Variants in PARD3B observed in about 807,000 individuals in gnomAD.
PARD3B encodes the protein par-3 family cell polarity regulator beta, also known as partitioning defective 3 homolog B.
In PARD3B, 103 loss-of-function variants were observed where a neutral mutation model predicts 130.2. The observed-to-expected ratio is 0.79, with a 90% CI of 0.67 to 0.93. The LOEUF (loss-of-function observed/expected upper bound fraction) is 0.93. PARD3B is among the 40% of genes least tolerant of loss of function. The pLI is 0.00. For missense variants in PARD3B, 1,609 were observed against 1,499.2 expected (o/e 1.07, Z -1.21); for synonymous variants, 583 against 553.2 (o/e 1.05, Z -0.76).
intron 19 of PARD3B, among the ~76,000 whole-genome samples, chr2:205,419,637 C>T (rs1574973963): frequency 6.6e-6 from 1 of 152,282 alleles, no homozygotes; most frequent in Middle Eastern, 3.4e-3. Flanking sequence ...CTTTAAACTT[C>T]TCAAGTTAGT....
intron 2 of PARD3B, among the ~76,000 whole-genome samples, chr2:204,795,830 A>G (rs933384850): frequency 2.0e-5 from 3 of 152,200 alleles, no homozygotes; most frequent in African/African-American, 4.8e-5. Flanking sequence ...TTTTTAGTTT[A>G]CTAACAGGAA....
At chr2:205,250,229 TTC>T (rs1192303351) in intron 16 of PARD3B, among the ~76,000 whole-genome samples, 11 of 141,940 alleles carry the variant, frequency 7.7e-5, no homozygotes, top group Non-Finnish European at 1.6e-4. Context: ...TTTTAGTGTC[TTC>T]TTTTTTTTTT....
chr2:205,482,430 G>A (rs2049273494), intron 20 of PARD3B, among the ~76,000 whole-genome samples: 1 of 152,110 alleles, frequency 6.6e-6, no homozygotes, highest in Non-Finnish European at 1.5e-5. Context: ...ATGGCAAAAG[G>A]AGACGGCAGA....
chr2:205,252,848 C>T lies in PARD3B; in HGVS notation c.2185+7026C>T, dbSNP rs1342690521. Among the ~76,000 whole-genome samples the T allele has an allele frequency of 8.6e-5, 10 of 115,710 alleles. 2 individuals carry two copies. The South Asian group carries it at 2.3e-3, about 27-fold the overall frequency. The allele number at this position is 115,710 out of a possible 152,430, so 75.9% of individuals were successfully genotyped here. A position where few individuals can be genotyped will look rare whatever the true frequency, so the allele number is the denominator to read the frequency against. Reference sequence around the variant, plus strand: ...TAGGAACCTGAAGGGACCCCCCCCCCCCACCAAAAAAAAAAAAAAAGGAGA... The same window carrying T: ...TAGGAACCTGAAGGGACCCCCCCCCTCCACCAAAAAAAAAAAAAAAGGAGA... On this transcript the variant is annotated intron_variant, in intron 16 of 22. Transcript: ENST00000406610.
chr2:205,037,718 A>G (rs1698108211), intron 3 of PARD3B, among the ~76,000 whole-genome samples: 1 of 151,380 alleles, frequency 6.6e-6, no homozygotes, highest in African/African-American at 2.4e-5. Context: ...GTTTCCCCTT[A>G]ACTGGAATTC....
chr2:205,225,588 A>C (rs2038500791), intron 15 of PARD3B, among the ~76,000 whole-genome samples: 1 of 152,226 alleles, frequency 6.6e-6, no homozygotes, highest in Non-Finnish European at 1.5e-5. Context: ...TATGAAGAAA[A>C]GAAGTTTAAT....
chr2:205,216,310 T>A (rs2037907250), intron 15 of PARD3B, among the ~76,000 whole-genome samples: 1 of 152,148 alleles, frequency 6.6e-6, no homozygotes, highest in African/African-American at 2.4e-5. Context: ...CACACAATGA[T>A]GAAACTGCCT....
intron 16 of PARD3B, among the ~76,000 whole-genome samples, chr2:205,286,433 A>C (rs1322321702): frequency 1.3e-5 from 2 of 152,166 alleles, no homozygotes; most frequent in Non-Finnish European, 2.9e-5. Flanking sequence ...AGCCCAGATG[A>C]GATTAAATAA....
chr2:204,898,706 C>G (rs758275274), intron 2 of PARD3B, among the ~76,000 whole-genome samples: 2 of 152,168 alleles, frequency 1.3e-5, no homozygotes, highest in Non-Finnish European at 2.9e-5. Flanking sequence ...CTGTCTCAAG[C>G]TGAAAGTGGG....
intron 18 of PARD3B, among the ~76,000 whole-genome samples, chr2:205,368,506 C>T (rs549549522): frequency 6.6e-6 from 1 of 152,136 alleles, no homozygotes; most frequent in African/African-American, 2.4e-5. Context: ...ATGGTGCACA[C>T]CTGTAATCCC....
At chr2:205,313,562 T>C (rs2042462826) in intron 18 of PARD3B, among the ~76,000 whole-genome samples, 1 of 152,196 alleles carries the variant, frequency 6.6e-6, no homozygotes, top group African/African-American at 2.4e-5. Context: ...GGTAAAATGA[T>C]TTTGTCATAC....
chr2:204,810,726 A>T (rs1025808825), intron 2 of PARD3B, among the ~76,000 whole-genome samples: 3 of 151,662 alleles, frequency 2.0e-5, no homozygotes, highest in African/African-American at 7.3e-5. Context: ...TTTGCTGAGG[A>T]TTTTTACATC....
At chr2:204,789,621 C>T (rs1248422248) in intron 2 of PARD3B, among the ~76,000 whole-genome samples, 1 of 152,096 alleles carries the variant, frequency 6.6e-6, no homozygotes, top group African/African-American at 2.4e-5. Flanking sequence ...AGCCATCAGC[C>T]TGAATTCTGC....
intron 18 of PARD3B, among the ~76,000 whole-genome samples, chr2:205,317,901 A>G (rs965178761): frequency 6.6e-6 from 1 of 152,168 alleles, no homozygotes; most frequent in African/African-American, 2.4e-5. Context: ...TTGGTATTAG[A>G]AAAAGCCACA....
intron 4 of PARD3B, among the ~76,000 whole-genome samples, chr2:205,085,621 A>T (rs760024524): frequency 4.5e-4 from 69 of 151,914 alleles, no homozygotes; most frequent in Non-Finnish European, 8.7e-4. Context: ...CTTTTCCTTG[A>T]CATTTATGTA....
At chr2:205,161,247 C>A (rs1025768505) in intron 11 of PARD3B, among the ~76,000 whole-genome samples, 3 of 152,204 alleles carry the variant, frequency 2.0e-5, no homozygotes, top group East Asian at 3.9e-4. Context: ...ATCTCCTTAC[C>A]TAAGCAGTTT....
At chr2:205,362,332 C>G (rs2044420575) in intron 18 of PARD3B, among the ~76,000 whole-genome samples, 1 of 152,072 alleles carries the variant, frequency 6.6e-6, no homozygotes, top group African/African-American at 2.4e-5. Context: ...TTCTGTTGTT[C>G]AATCATAGCT....
chr2:204,674,217 G>A lies in PARD3B; in HGVS notation c.121-11964G>A, dbSNP rs538684380. 2.0e-5 allele frequency among the ~76,000 whole-genome samples: 3 copies of A among 152,262 alleles called. No homozygotes were observed. In the South Asian group the frequency reaches 6.2e-4, roughly 32 times the overall value. ...ATTAACAAATAATTGAATAAAATAA[G>A]GATAACATGATATTGATAATTTATG... On this transcript the variant is annotated intron_variant, in intron 1 of 22. Coordinates refer to ENST00000406610, the MANE Select transcript of PARD3B (RefSeq NM_001302769.2).
At chr2:205,112,590 T>C (rs1703722367) in intron 5 of PARD3B, among the ~76,000 whole-genome samples, 1 of 152,102 alleles carries the variant, frequency 6.6e-6, no homozygotes, top group Non-Finnish European at 1.5e-5. Flanking sequence ...GATGTTTCCT[T>C]CAACTTTATT....
Sources: gnomAD v4.1 joint callset for allele counts (sites outside exome capture counted in the v4.1 genomes callset) on GRCh38, gnomAD v4.1.1 for gene constraint, MANE v1.5 for transcripts, NCBI Gene and HGNC (gene_info 2026-07-23, HGNC 2026-07-21) for gene names.